PWWP2A: variants seen among roughly 807,000 people sequenced by gnomAD.
PWWP2A encodes PWWP domain-containing protein 2A.
Under a neutral mutation model 48.5 loss-of-function variants are expected in PWWP2A, and 18 were observed. That is an observed-to-expected ratio of 0.37 (90% confidence interval 0.26 to 0.55). PWWP2A has a LOEUF of 0.55. PWWP2A is among the 20% of genes least tolerant of loss of function. The pLI, the probability that PWWP2A is intolerant of heterozygous loss-of-function variation, is 0.81. For missense variants in PWWP2A, 867 were observed against 976.4 expected, an observed-to-expected ratio of 0.89 and a Z score of 1.49; for synonymous variants, 396 against 387.7, an observed-to-expected ratio of 1.02 and a Z score of -0.25.
chr5:160,116,746 T>C (rs1309426727), intron 1 of PWWP2A: 2 of 985,042 alleles, frequency 2.0e-6, no homozygotes, highest in Non-Finnish European at 2.4e-6. Context: ...TCACTGGCCA[T>C]CTCTTCTGTT....
intron 1 of PWWP2A, among the ~76,000 whole-genome samples, chr5:160,115,277 T>C (rs1289670426): frequency 6.6e-6 from 1 of 151,936 alleles, no homozygotes; most frequent in Non-Finnish European, 1.5e-5. Flanking sequence ...TATAGCTGGC[T>C]GGCTGCAATG....
Position 160,091,847 on chromosome 5 carries a change from T to C in PWWP2A, c.*535A>G, listed in dbSNP as rs1446413316. On this transcript the variant is annotated 3_prime_UTR_variant, in exon 2 of 2. Coordinates refer to ENST00000307063, the MANE Select transcript of PWWP2A (RefSeq NM_001130864.2). Reference sequence around the variant, plus strand: ...TTATGCGCATAGAAAGGCTAAGTGTTCATTATTTAAAAAACAAGTAGTCAT... The same window carrying C: ...TTATGCGCATAGAAAGGCTAAGTGTCCATTATTTAAAAAACAAGTAGTCAT... The C allele has an allele frequency of 3.0e-6, 3 of 985,070 alleles. No individual in the cohort carries two copies. The highest frequency in any genetic ancestry group is 3.5e-5 in the African/African-American group (2 of 57,260). The allele number at this position is 985,070 out of a possible 1,614,324, so 61.0% of individuals were successfully genotyped here.
In PWWP2A at chr5:160,119,349, A is replaced by G. The variant is rs1758487238; in HGVS notation, c.40T>C (p.Ser14Pro). Reference protein sequence around the residue: ...VAAEAAATAASPGEGGAGEAE... With the variant: ...VAAEAAATAAPPGEGGAGEAE... Reference sequence around the variant, plus strand: ...TCGCCGGCGCCCCCCTCCCCGGGGGACGCTGCAGTCGCTGCCGCCTCTGCA... The same window carrying G: ...TCGCCGGCGCCCCCCTCCCCGGGGGGCGCTGCAGTCGCTGCCGCCTCTGCA... Residue 14 changes from serine (S) to proline (P), a missense_variant, in exon 1 of 2, where the codon TCC (serine) becomes CCC (proline). Ser to Pro is a moderately conservative substitution (Grantham distance 74, BLOSUM62 -1). Around this residue, in one of 4 missense-constraint regions of PWWP2A, gnomAD observed 385 missense variants for 396.9 expected, o/e 0.97. Transcript: ENST00000307063. 1 of 1,379,346 alleles carries G rather than the reference A, an allele frequency of 7.2e-7. No homozygotes were observed. Among genetic ancestry groups the G allele is most frequent in the Non-Finnish European group, 9.3e-7 (1 of 1,071,396 alleles). 85.4% of individuals were successfully genotyped at this position (1,379,346 alleles called of 1,614,324 possible).
chr5:160,110,573 G>C (rs941339554), intron 1 of PWWP2A, among the ~76,000 whole-genome samples: 5 of 151,896 alleles, frequency 3.3e-5, no homozygotes, highest in Admixed American at 3.3e-4. Flanking sequence ...AGGTGTGGTG[G>C]TGCATGCCTG....
chr5:160,076,636 C>T (rs967910783), exon 4 of PWWP2A: 4 of 152,186 alleles, frequency 2.6e-5, no homozygotes, highest in African/African-American at 9.6e-5. Flanking sequence ...TCATTAGACA[C>T]AAGACTGCCT....
intron 3 of PWWP2A, among the ~76,000 whole-genome samples, chr5:160,079,466 A>G (rs1388254269): frequency 1.3e-5 from 2 of 152,162 alleles, no homozygotes; most frequent in Admixed American, 1.3e-4. Context: ...ACACTGTTTT[A>G]AAATTTGACA....
chr5:160,090,743 A>G, downstream of PWWP2A: 12 of 959,390 alleles, frequency 1.3e-5, no homozygotes, highest in Non-Finnish European at 1.5e-5. Flanking sequence ...AAATCCACAA[A>G]AAACTGCTAA....
At chr5:160,091,124 A>T (rs1279562420), downstream of PWWP2A, 1 of 983,298 alleles carries the variant, frequency 1.0e-6, no homozygotes, top group Non-Finnish European at 1.2e-6. Context: ...ATCTAAAAGC[A>T]TTATCAAACC....
chr5:160,050,627 C>CTTTTTTT, the PWWP2A span, among the ~76,000 whole-genome samples: 1 of 109,344 alleles, frequency 9.1e-6, no homozygotes, highest in African/African-American at 3.6e-5. Context: ...CCAAACAAAA[C>CTTTTTTT]TTTTTTTTTT....
At chr5:160,101,026 T>G (rs1335719665) in intron 1 of PWWP2A, among the ~76,000 whole-genome samples, 4 of 152,146 alleles carry the variant, frequency 2.6e-5, no homozygotes, top group African/African-American at 9.7e-5. Context: ...ACAAATATAT[T>G]ATACAAAATA....
chr5:160,108,867 T>C (rs1757159115), intron 1 of PWWP2A, among the ~76,000 whole-genome samples: 1 of 152,174 alleles, frequency 6.6e-6, no homozygotes, highest in African/African-American at 2.4e-5. Flanking sequence ...TTTTAAGAGA[T>C]GGGGTCTCAG....
chr5:160,092,568 T>C lies in PWWP2A; in HGVS notation c.2082A>G (p.Ser694=), dbSNP rs1755190409. 6.4e-7 allele frequency: 1 copy of C among 1,551,468 alleles called. No individual in the cohort carries two copies. Among genetic ancestry groups the C allele is most frequent in the Non-Finnish European group, 8.7e-7 (1 of 1,146,982 alleles). The part of the protein sequence containing the change: ...GLLVRQEARI[S]WFGSPTTSFL... ...AAGATGTTGTTGGAGACCCAAACCA[T>C]GAAATACGGGCCTCCTGTCGGACTA... Residue 694 remains serine (S), a synonymous_variant, in exon 2 of 2, where the codon TCA becomes TCG. Coordinates refer to ENST00000307063, the MANE Select transcript of PWWP2A (RefSeq NM_001130864.2).
At chr5:160,075,096 C>T (rs962819242), downstream of PWWP2A, among the ~76,000 whole-genome samples, 1 of 152,274 alleles carries the variant, frequency 6.6e-6, no homozygotes, top group Admixed American at 6.5e-5. Flanking sequence ...TATACTGATA[C>T]ATGTATACAT....
chr5:160,097,712 G>C (rs1431814069), intron 1 of PWWP2A, among the ~76,000 whole-genome samples: 1 of 147,118 alleles, frequency 6.8e-6, no homozygotes, highest in East Asian at 2.0e-4. Context: ...TTTTTGGGGG[G>C]GGGGGCGGTT....
rs1758439859 is a variant in PWWP2A, at chr5:160,119,014, C to A, written c.375G>T (p.Pro125=). The change falls in exon 1 of 2, where the codon CCG becomes CCT. Residue 125 remains proline (P), a synonymous_variant. Transcript: ENST00000307063. ...PSPASPPEQP[P]APEEREEPPL... ...GCGGCTCCTCGCGCTCCTCGGGAGC[C>A]GGGGGCTGCTCCGGCGGCGATGCAG... 2.5e-6 allele frequency: 4 copies of A among 1,598,762 alleles called. No individual in the cohort carries two copies. Among genetic ancestry groups the A allele is most frequent in the South Asian group, 1.1e-5 (1 of 90,148 alleles).
At chr5:160,064,863 AG>A in intron 4 of PWWP2A, 2 of 1,507,846 alleles carry the variant, frequency 1.3e-6, no homozygotes, top group Non-Finnish European at 1.8e-6. Flanking sequence ...TGGTAAGGCA[AG>A]ATTAATTGGT....
In PWWP2A at chr5:160,102,090, A is replaced by G. The variant is rs189738126; in HGVS notation, c.585-8025T>C. Among the ~76,000 whole-genome samples, 21 of 150,312 alleles carry G rather than the reference A, an allele frequency of 1.4e-4. No homozygotes were observed. The East Asian group carries it at 3.7e-3, about 27-fold the overall frequency. On this transcript the variant is annotated intron_variant, in intron 1 of 1. Transcript: ENST00000307063. ...ACACCATTGCCCTCCAGCCTGGGCA[A>G]TAAGAGTGAAACTTGGTGTCAAAAA...
At chr5:160,075,336 A>G (rs1345735891), downstream of PWWP2A, among the ~76,000 whole-genome samples, 1 of 152,206 alleles carries the variant, frequency 6.6e-6, no homozygotes, top group Non-Finnish European at 1.5e-5. Context: ...ACAGGCAGCC[A>G]AAGGATTGCT....
At chr5:160,099,617 G>T (rs939601963) in intron 1 of PWWP2A, among the ~76,000 whole-genome samples, 5 of 151,702 alleles carry the variant, frequency 3.3e-5, no homozygotes, top group Non-Finnish European at 5.9e-5. Flanking sequence ...CACCACAGTC[G>T]GCCCCAAAAT....
Sources: gnomAD v4.1 joint callset for allele counts (sites outside exome capture counted in the v4.1 genomes callset) on GRCh38, gnomAD v4.1.1 for gene constraint, gnomAD v4.1.1 regional missense constraint, MANE v1.5 for transcripts, NCBI Gene and HGNC (gene_info 2026-07-23, HGNC 2026-07-21) for gene names.